Variants in MAGI2 observed in about 807,000 individuals in gnomAD.
The protein encoded by MAGI2 is membrane-associated guanylate kinase, WW and PDZ domain-containing protein 2.
MAGI2 carries 35 observed loss-of-function variants against 133.3 expected under a neutral mutation model. The ratio of observed to expected loss-of-function variants is 0.26; its 90% CI spans 0.20 to 0.35. The LOEUF (loss-of-function observed/expected upper bound fraction) is 0.35, where lower values mean the gene tolerates loss of function less well. Ranked by LOEUF, MAGI2 falls within the 10% of genes least tolerant of loss-of-function variation. The pLI, the probability that MAGI2 is intolerant of heterozygous loss-of-function variation, is 1.00. For missense variants in MAGI2, 1,636 were observed against 1,863.4 expected, an observed-to-expected ratio of 0.88 and a Z score of 2.25; for synonymous variants, 729 against 710.6, an observed-to-expected ratio of 1.03 and a Z score of -0.41.
In MAGI2 at chr7:78,079,036, G is replaced by A; in HGVS notation, c.3617C>T (p.Thr1206Ile). 6.2e-7 allele frequency: 1 copy of A among 1,613,830 alleles called. No homozygotes were observed. Among genetic ancestry groups the A allele is most frequent in the Non-Finnish European group, 8.5e-7 (1 of 1,179,928 alleles). The change falls in exon 21 of 22, where the codon ACA becomes ATA. Residue 1206 changes from threonine to isoleucine, a missense_variant. Physicochemically the swap from Thr to Ile is moderately conservative, Grantham distance 89 (BLOSUM62 -1). Around this residue, in one of 5 missense-constraint regions of MAGI2, gnomAD observed 49 missense variants for 103.8 expected, o/e 0.47. Transcript: ENST00000354212. ...EINGESTRDM[T>I]HARAIELIKS... ...GATGAGTTCTATTGCTCTGGCATGT[G>A]TCATGTCCCTTGTGCTTTCCCCATT...
intron 1 of MAGI2, among the ~76,000 whole-genome samples, chr7:79,055,847 C>T (rs1813102699): frequency 6.6e-6 from 1 of 152,140 alleles, no homozygotes. Flanking sequence ...CTGCACACAA[C>T]CTCTTGGTCC....
intron 6 of MAGI2, among the ~76,000 whole-genome samples, chr7:78,425,927 C>T (rs1045101457): frequency 6.6e-6 from 1 of 152,060 alleles, no homozygotes; most frequent in Non-Finnish European, 1.5e-5. Flanking sequence ...AAAAATAATA[C>T]AATAATTCAC....
chr7:78,452,580 C>A, intron 6 of MAGI2, among the ~76,000 whole-genome samples: 1 of 151,284 alleles, frequency 6.6e-6, no homozygotes, highest in Non-Finnish European at 1.5e-5. Flanking sequence ...GGAAAAAAAC[C>A]AAGTATGCAG....
At chr7:78,155,541 G>A (rs1824304749) in intron 16 of MAGI2, among the ~76,000 whole-genome samples, 2 of 152,200 alleles carry the variant, frequency 1.3e-5, no homozygotes, top group Admixed American at 6.5e-5. Context: ...TTGAACCCAG[G>A]AGGTGAAGGT....
chr7:79,039,378 G>A, intron 1 of MAGI2, among the ~76,000 whole-genome samples: 1 of 152,040 alleles, frequency 6.6e-6, no homozygotes, highest in Middle Eastern at 3.2e-3. Flanking sequence ...TTTCTTCACA[G>A]CAGCATGAGA....
chr7:79,058,539 C>T (rs558399080), intron 1 of MAGI2, among the ~76,000 whole-genome samples: 100 of 152,174 alleles, frequency 6.6e-4, no homozygotes, highest in Admixed American at 1.5e-3. Flanking sequence ...CATGCCCACA[C>T]GTAGTTTTGT....
intron 9 of MAGI2, among the ~76,000 whole-genome samples, chr7:78,328,530 C>CACACACACACACACACACAAA (rs10525463): frequency 3.2e-5 from 4 of 124,726 alleles, no homozygotes; most frequent in Middle Eastern, 3.8e-3. Context: ...CACACACACA[C>CACACACACACACACACACAAA]CCCTCTCTCT....
chr7:79,074,945 G>A (rs544209645), intron 1 of MAGI2, among the ~76,000 whole-genome samples: 1 of 152,160 alleles, frequency 6.6e-6, no homozygotes, highest in Non-Finnish European at 1.5e-5. Context: ...CCAGAGTTTG[G>A]TATAATGGTT....
chr7:79,308,351 A>G (rs62458960), intron 1 of MAGI2, among the ~76,000 whole-genome samples: 13,466 of 143,096 alleles, frequency 0.094, 848 homozygotes, highest in Middle Eastern at 0.15. Context: ...AGGTCACTCA[A>G]AACAGAAGGT....
At chr7:78,246,891 G>GC (rs887628727) in intron 10 of MAGI2, among the ~76,000 whole-genome samples, 4 of 152,156 alleles carry the variant, frequency 2.6e-5, no homozygotes, top group Non-Finnish European at 5.9e-5. Context: ...CTACAAGCTG[G>GC]CCCCCTGGGC....
chr7:79,170,689 GA>G (rs1825450079), intron 1 of MAGI2, among the ~76,000 whole-genome samples: 1 of 152,000 alleles, frequency 6.6e-6, no homozygotes, highest in East Asian at 1.9e-4. Flanking sequence ...CCTTGTCTAA[GA>G]AGAATAATCA....
chr7:78,237,011 C>T (rs1790617125), intron 10 of MAGI2, among the ~76,000 whole-genome samples: 1 of 152,104 alleles, frequency 6.6e-6, no homozygotes, highest in Non-Finnish European at 1.5e-5. Flanking sequence ...GGAAACCACC[C>T]CATGATTCAG....
At chr7:78,093,362 G>A (rs1353916380) in intron 20 of MAGI2, among the ~76,000 whole-genome samples, 1 of 151,920 alleles carries the variant, frequency 6.6e-6, no homozygotes, top group East Asian at 1.9e-4. Flanking sequence ...GCTGAGGCAG[G>A]AGAATTGCTT....
At chr7:78,147,135 TGTATACA>T (rs1426566540) in intron 16 of MAGI2, among the ~76,000 whole-genome samples, 1 of 152,204 alleles carries the variant, frequency 6.6e-6, no homozygotes, top group African/African-American at 2.4e-5. Context: ...CCACTAACAG[TGTATACA>T]GTATGTTTTA....
chr7:78,890,090 A>G (rs1161973064), intron 2 of MAGI2, among the ~76,000 whole-genome samples: 1 of 152,208 alleles, frequency 6.6e-6, no homozygotes, highest in African/African-American at 2.4e-5. Flanking sequence ...ATCTCTGATA[A>G]AACAGACTTT....
intron 3 of MAGI2, among the ~76,000 whole-genome samples, chr7:78,534,419 A>G (rs1422134332): frequency 6.6e-6 from 1 of 152,254 alleles, no homozygotes; most frequent in Non-Finnish European, 1.5e-5. Flanking sequence ...AATTTTCTAA[A>G]AGCCAAATGG....
chr7:79,230,004 C>T (rs1831220800), intron 1 of MAGI2, among the ~76,000 whole-genome samples: 1 of 138,036 alleles, frequency 7.2e-6, no homozygotes, highest in African/African-American at 2.7e-5. Flanking sequence ...CATGTGATCT[C>T]ATTGTTCAAT....
chr7:79,109,359 G>T (rs6466503), intron 1 of MAGI2, among the ~76,000 whole-genome samples: 5 of 152,158 alleles, frequency 3.3e-5, no homozygotes, highest in East Asian at 1.9e-4. Context: ...GAACTTATTG[G>T]GAACTAGAGG....
At chr7:78,585,978 T>C (rs962752872) in intron 3 of MAGI2, among the ~76,000 whole-genome samples, 2 of 152,166 alleles carry the variant, frequency 1.3e-5, no homozygotes, top group Admixed American at 6.5e-5. Context: ...TAACATTCTG[T>C]CTCCTTTACC....
Sources: allele counts gnomAD v4.1 joint callset (sites outside exome capture counted in the v4.1 genomes callset), GRCh38; gene constraint gnomAD v4.1.1; regional missense constraint gnomAD v4.1.1; transcripts MANE v1.5; gene names NCBI Gene and HGNC (gene_info 2026-07-23, HGNC 2026-07-21).